The following CNTN3 variants were observed in gnomAD, a reference collection of about 807,000 sequenced individuals.
CNTN3 encodes contactin-3.
In CNTN3, 60 loss-of-function variants were observed where a neutral mutation model predicts 119.1. The observed-to-expected ratio is 0.50, with a 90% CI of 0.41 to 0.62. The LOEUF is 0.62. Among genes scored for constraint, CNTN3 ranks in the 20% least tolerant of loss-of-function variants. The pLI is 0.00. For missense variants in CNTN3, 1,101 were observed against 1,242.4 expected (o/e 0.89, Z 1.71); for synonymous variants, 450 against 438.7 (o/e 1.03, Z -0.32).
intron 11 of CNTN3, among the ~76,000 whole-genome samples, chr3:74,358,875 C>G (rs1011255944): frequency 6.7e-6 from 1 of 149,380 alleles, no homozygotes; most frequent in African/African-American, 2.5e-5. Flanking sequence ...GTTTTTTGTT[C>G]TTGCGATAGT....
At chr3:74,399,259 C>A (rs1242689930) in intron 5 of CNTN3, among the ~76,000 whole-genome samples, 1 of 151,832 alleles carries the variant, frequency 6.6e-6, no homozygotes. Flanking sequence ...AGCCTAGTAC[C>A]CATTAGTTAT....
At chr3:74,290,678 A>T (rs1197150507) in intron 19 of CNTN3, among the ~76,000 whole-genome samples, 1 of 152,076 alleles carries the variant, frequency 6.6e-6, no homozygotes, top group Non-Finnish European at 1.5e-5. Flanking sequence ...GGACTGCCAT[A>T]TGTGTTCATT....
At chr3:74,605,298 C>T (rs1166401594) in intron 1 of CNTN3, among the ~76,000 whole-genome samples, 1 of 151,784 alleles carries the variant, frequency 6.6e-6, no homozygotes, top group African/African-American at 2.4e-5. Context: ...AGCTTTTTCA[C>T]CATACAAAAA....
At chr3:74,570,592 A>C (rs1373571713) in intron 1 of CNTN3, among the ~76,000 whole-genome samples, 1 of 151,900 alleles carries the variant, frequency 6.6e-6, no homozygotes, top group Non-Finnish European at 1.5e-5. Context: ...AGTGCCCTAG[A>C]GAATACAGAC....
chr3:74,490,901 C>T (rs1702951672), intron 3 of CNTN3, among the ~76,000 whole-genome samples: 1 of 152,050 alleles, frequency 6.6e-6, no homozygotes, highest in Non-Finnish European at 1.5e-5. Flanking sequence ...TTTAACAAAG[C>T]AATATAATTA....
intron 13 of CNTN3, among the ~76,000 whole-genome samples, chr3:74,317,523 G>A (rs1322164305): frequency 2.6e-5 from 4 of 151,954 alleles, no homozygotes; most frequent in Non-Finnish European, 5.9e-5. Flanking sequence ...GCTCTTTTAG[G>A]GCAGGCCTGG....
At chr3:74,550,544 T>C (rs996477472) in intron 1 of CNTN3, among the ~76,000 whole-genome samples, 1 of 152,100 alleles carries the variant, frequency 6.6e-6, no homozygotes, top group Non-Finnish European at 1.5e-5. Flanking sequence ...TTGGTGTTAT[T>C]ATTATTATTA....
chr3:74,562,826 A>G (rs1195849707), intron 1 of CNTN3, among the ~76,000 whole-genome samples: 2 of 152,100 alleles, frequency 1.3e-5, no homozygotes, highest in Non-Finnish European at 2.9e-5. Flanking sequence ...AGAAGAAAAA[A>G]AAAAATACTG....
chr3:74,324,721 C>T, intron 13 of CNTN3, among the ~76,000 whole-genome samples: 1 of 151,986 alleles, frequency 6.6e-6, no homozygotes, highest in East Asian at 1.9e-4. Flanking sequence ...CTTTATATCC[C>T]ACTCAATCCA....
At chr3:74,566,429 A>G (rs1224651237) in intron 1 of CNTN3, among the ~76,000 whole-genome samples, 1 of 152,178 alleles carries the variant, frequency 6.6e-6, no homozygotes, top group Admixed American at 6.5e-5. Flanking sequence ...TAGAGGAGAG[A>G]TGCCTAAAAT....
chr3:74,564,946 AAC>A (rs1704205338), intron 1 of CNTN3, among the ~76,000 whole-genome samples: 1 of 152,152 alleles, frequency 6.6e-6, no homozygotes, highest in Admixed American at 6.5e-5. Flanking sequence ...CTCTCTACTT[AAC>A]AACCCAGAGC....
intron 4 of CNTN3, among the ~76,000 whole-genome samples, chr3:74,437,355 G>A (rs553646814): frequency 1.3e-5 from 2 of 152,112 alleles, no homozygotes; most frequent in South Asian, 2.1e-4. Context: ...CCAGCTACTC[G>A]GGAGGCTGAG....
At chr3:74,560,337 GA>G (rs766111761) in intron 1 of CNTN3, among the ~76,000 whole-genome samples, 3 of 152,144 alleles carry the variant, frequency 2.0e-5, no homozygotes, top group Non-Finnish European at 4.4e-5. Flanking sequence ...TGTTGTTATT[GA>G]TGGTAATCTC....
At chr3:74,383,674 A>G (rs1283747369) in intron 5 of CNTN3, among the ~76,000 whole-genome samples, 1 of 152,050 alleles carries the variant, frequency 6.6e-6, no homozygotes, top group Non-Finnish European at 1.5e-5. Context: ...CTGTAGAGAC[A>G]GCGTCTCATT....
intron 11 of CNTN3, among the ~76,000 whole-genome samples, chr3:74,351,948 T>C (rs1703826039): frequency 6.6e-6 from 1 of 152,168 alleles, no homozygotes. Flanking sequence ...GAGGTATGGG[T>C]TGGGGAAGCC....
chr3:74,464,175 T>C (rs1702420196), intron 4 of CNTN3, among the ~76,000 whole-genome samples: 1 of 152,162 alleles, frequency 6.6e-6, no homozygotes, highest in Non-Finnish European at 1.5e-5. Flanking sequence ...AAGGATACAA[T>C]GAGATAACTA....
chr3:74,539,611 C>T (rs1309070479), intron 1 of CNTN3, among the ~76,000 whole-genome samples: 1 of 152,020 alleles, frequency 6.6e-6, no homozygotes, highest in Non-Finnish European at 1.5e-5. Flanking sequence ...AATACGTCAT[C>T]ATCCAGGCAG....
chr3:74,529,006 G>A (rs116358092), intron 1 of CNTN3, among the ~76,000 whole-genome samples: 1 of 151,562 alleles, frequency 6.6e-6, no homozygotes, highest in Non-Finnish European at 1.5e-5. Context: ...AAGAAATATG[G>A]GTATTTTTGT....
chr3:74,503,730 A>G (rs1187255263), intron 2 of CNTN3, among the ~76,000 whole-genome samples: 1 of 152,130 alleles, frequency 6.6e-6, no homozygotes, highest in Middle Eastern at 3.2e-3. Context: ...TAACTAATGG[A>G]TTCAACGTAA....
Sources: gnomAD v4.1 joint callset for allele counts (sites outside exome capture counted in the v4.1 genomes callset) on GRCh38, gnomAD v4.1.1 for gene constraint, MANE v1.5 for transcripts, NCBI Gene and HGNC (gene_info 2026-07-23, HGNC 2026-07-21) for gene names.